RYR2: variants seen among roughly 807,000 people sequenced by gnomAD.
RYR2 encodes cardiac muscle ryanodine receptor-calcium release channel.
A neutral mutation model predicts 601.1 loss-of-function variants in RYR2; 227 were observed. The ratio of observed to expected loss-of-function variants is 0.38; its 90% CI spans 0.34 to 0.42. The LOEUF (loss-of-function observed/expected upper bound fraction) is 0.42, where lower values mean the gene tolerates loss of function less well. Among genes scored for constraint, RYR2 ranks in the 10% least tolerant of loss-of-function variants. The probability of loss-of-function intolerance (pLI) is 1.00; values close to 1 mark genes in which losing one functional copy is unlikely to be tolerated. For synonymous variants in RYR2, 2,223 were observed against 2,175.1 expected (o/e 1.02, Z -0.61); for missense variants, 4,646 against 6,156.5 (o/e 0.75, Z 8.21).
In RYR2 at chr1:237,485,470, G is replaced by T. The variant is rs533272697; in HGVS notation, c.1709-6336G>T. On this transcript the variant is annotated intron_variant, in intron 17 of 104. Transcript: ENST00000366574. Reference sequence around the variant, plus strand: ...GAATTTTAAAAATGTGAATGTGCTTGTTACTACAAAAGGAGGAATAATTAA... The same window carrying T: ...GAATTTTAAAAATGTGAATGTGCTTTTTACTACAAAAGGAGGAATAATTAA... 1.5e-4 allele frequency among the ~76,000 whole-genome samples: 23 copies of T among 152,324 alleles called. No homozygotes were observed. The East Asian group carries it at 4.4e-3, about 29-fold the overall frequency.
intron 82 of RYR2, among the ~76,000 whole-genome samples, chr1:237,758,451 C>G (rs12081123): frequency 1.3e-5 from 2 of 152,058 alleles, no homozygotes; most frequent in Admixed American, 1.3e-4. Flanking sequence ...TCACACCCCC[C>G]GTAAATGGCT....
chr1:237,718,322 C>G (rs1341968330), intron 72 of RYR2, 140 bp from the exon 73 acceptor site: 3 of 487,384 alleles, frequency 6.2e-6, no homozygotes, highest in Non-Finnish European at 1.1e-5. Flanking sequence ...AATGAGAATG[C>G]CCCAAATTTG....
intron 3 of RYR2, among the ~76,000 whole-genome samples, chr1:237,336,307 A>G (rs915049443): frequency 6.6e-6 from 1 of 152,222 alleles, no homozygotes; most frequent in Non-Finnish European, 1.5e-5. Context: ...TTAAAATTTT[A>G]ATAGAAAATA....
intron 25 of RYR2, among the ~76,000 whole-genome samples, chr1:237,541,588 C>T (rs1004298319): frequency 1.3e-5 from 2 of 152,008 alleles, no homozygotes; most frequent in African/African-American, 4.8e-5. Flanking sequence ...CATGCGCGTC[C>T]GTGTGAAGAG....
At chr1:237,683,260 T>A (rs1686053090) in intron 62 of RYR2, among the ~76,000 whole-genome samples, 1 of 152,212 alleles carries the variant, frequency 6.6e-6, no homozygotes. Flanking sequence ...AGTTAACTTT[T>A]CCACAATTAA....
At chr1:237,339,111 G>T (rs778959161) in intron 3 of RYR2, among the ~76,000 whole-genome samples, 7 of 151,912 alleles carry the variant, frequency 4.6e-5, no homozygotes, top group Non-Finnish European at 1.0e-4. Flanking sequence ...TTAAAATACA[G>T]AATTAGTATG....
At chr1:237,561,504 G>A (rs1374410267) in intron 27 of RYR2, among the ~76,000 whole-genome samples, 4 of 152,178 alleles carry the variant, frequency 2.6e-5, no homozygotes, top group Non-Finnish European at 4.4e-5. Flanking sequence ...TCAACAAGTA[G>A]AGATTAGTGT....
In RYR2 at chr1:237,631,455, C is replaced by T; in HGVS notation, c.6469C>T (p.Gln2157Ter). 1 of 1,613,234 alleles carries T rather than the reference C, an allele frequency of 6.2e-7. No individual in the cohort carries two copies. The highest frequency in any genetic ancestry group is 8.5e-7 in the Non-Finnish European group (1 of 1,179,616). ...TATTATGAATAACAAAGTGTTTTAC[C>T]AGCACCCTAATCTCATGAGGGCACT... ...GDIMNNKVFYQHPNLMRALGM... is the reference protein window; with the variant it reads ...GDIMNNKVFY Residue 2157 changes from glutamine to a stop codon, truncating the protein, a stop_gained, in exon 42 of 105, where the codon CAG (glutamine) becomes TAG (stop). Coordinates refer to ENST00000366574, the MANE Select transcript of RYR2 (RefSeq NM_001035.3). LOFTEE classifies it high-confidence loss of function.
chr1:237,732,442 T>G (rs1690774791), intron 78 of RYR2, among the ~76,000 whole-genome samples: 1 of 152,182 alleles, frequency 6.6e-6, no homozygotes, highest in South Asian at 2.1e-4. Flanking sequence ...AAACAAACTT[T>G]ATAAATAAAA....
chr1:237,098,387 ATGTG>A (rs937631817), intron 1 of RYR2, among the ~76,000 whole-genome samples: 2,469 of 47,314 alleles, frequency 0.052, 95 homozygotes, highest in Admixed American at 0.26. Flanking sequence ...CATTGTGTGT[ATGTG>A]TGTGTGTGTG....
chr1:237,334,425 T>A (rs981016736), intron 3 of RYR2, among the ~76,000 whole-genome samples: 2 of 142,958 alleles, frequency 1.4e-5, no homozygotes, highest in African/African-American at 5.1e-5. Flanking sequence ...TTTTCTAAAA[T>A]GTCTGTTTAA....
At position 237,073,515 on chromosome 1, in the gene RYR2, G is replaced by C. The variant is rs550013447; in HGVS notation, c.48+30946G>C. ...CCCTCTGAGTTGAGATGTGCTGCAGGGGTAAGATGCATACCAGATTTCAAA... is the reference window on the plus strand; with the variant it reads ...CCCTCTGAGTTGAGATGTGCTGCAGCGGTAAGATGCATACCAGATTTCAAA... On this transcript the variant is annotated intron_variant, in intron 1 of 104. Transcript: ENST00000366574. 3.7e-4 allele frequency among the ~76,000 whole-genome samples: 56 copies of C among 152,164 alleles called. 1 individual carries two copies. In the South Asian group the frequency reaches 1.0e-2, roughly 27 times the overall value.
chr1:237,521,750 A>AAAT (rs71180031), intron 24 of RYR2, among the ~76,000 whole-genome samples: 71,236 of 151,494 alleles, frequency 0.47, 17,054 homozygotes, highest in East Asian at 0.58. Context: ...ATACATAAAA[A>AAAT]AAAATAAAAT....
intron 20 of RYR2, among the ~76,000 whole-genome samples, chr1:237,497,551 A>G (rs1486960988): frequency 6.6e-6 from 1 of 152,200 alleles, no homozygotes; most frequent in Non-Finnish European, 1.5e-5. Flanking sequence ...TAGTCCTGGT[A>G]TGATCTTGGC....
At chr1:237,449,053 A>C (rs1657739900) in intron 14 of RYR2, among the ~76,000 whole-genome samples, 1 of 152,040 alleles carries the variant, frequency 6.6e-6, no homozygotes, top group Admixed American at 6.6e-5. Flanking sequence ...TAAAGAGGAG[A>C]TACACACACA....
At chr1:237,487,630 G>A (rs1369915818) in intron 17 of RYR2, among the ~76,000 whole-genome samples, 1 of 151,426 alleles carries the variant, frequency 6.6e-6, no homozygotes, top group Non-Finnish European at 1.5e-5. Flanking sequence ...GGCTACGGGA[G>A]GCTAAGGTGG....
intron 11 of RYR2, among the ~76,000 whole-genome samples, chr1:237,417,817 G>T (rs955337346): frequency 1.3e-5 from 2 of 151,936 alleles, no homozygotes; most frequent in African/African-American, 4.8e-5. Flanking sequence ...ACTATTTTAA[G>T]TAGAATTAAA....
At chr1:237,818,784 C>T (rs998608089) in intron 100 of RYR2, among the ~76,000 whole-genome samples, 1 of 151,468 alleles carries the variant, frequency 6.6e-6, no homozygotes, top group Non-Finnish European at 1.5e-5. Flanking sequence ...GAAAATTTTC[C>T]ATTTTCTCCA....
At chr1:237,369,685 G>A in intron 6 of RYR2, 77 bp downstream of exon 6, 1 of 1,154,340 alleles carries the variant, frequency 8.7e-7, no homozygotes, top group Non-Finnish European at 1.3e-6. Flanking sequence ...AATGCTGGTA[G>A]CATCATTTCT....
Sources: gnomAD v4.1 joint callset for allele counts (sites outside exome capture counted in the v4.1 genomes callset) on GRCh38, gnomAD v4.1.1 for gene constraint, MANE v1.5 for transcripts, NCBI Gene and HGNC (gene_info 2026-07-23, HGNC 2026-07-21) for gene names.